ANXA11: variants seen among roughly 807,000 people sequenced by gnomAD.
ANXA11 encodes 56 kDa autoantigen.
Under a neutral mutation model 64.7 loss-of-function variants are expected in ANXA11, and 57 were observed. The observed-to-expected ratio is 0.88, with a 90% CI of 0.71 to 1.10. The LOEUF (loss-of-function observed/expected upper bound fraction) is 1.10, where lower values mean the gene tolerates loss of function less well. Ranked by LOEUF, ANXA11 falls within the 50% of genes least tolerant of loss-of-function variation. The pLI, the probability that ANXA11 is intolerant of heterozygous loss-of-function variation, is 0.00. For missense variants in ANXA11, 675 were observed against 670.7 expected (o/e 1.01, Z -0.07); for synonymous variants, 260 against 265.2 (o/e 0.98, Z 0.19).
intron 4 of ANXA11, among the ~76,000 whole-genome samples, chr10:80,169,703 A>G (rs762323023): frequency 4.9e-4 from 75 of 152,278 alleles, no homozygotes; most frequent in Non-Finnish European, 4.7e-4. Context: ...GGTTGGGGGC[A>G]TCCCCATCAC....
At chr10:80,194,724 G>A (rs1017295635) in intron 1 of ANXA11, among the ~76,000 whole-genome samples, 15 of 152,196 alleles carry the variant, frequency 9.9e-5, no homozygotes, top group Admixed American at 3.3e-4. Context: ...GCTCCTGAAG[G>A]TTTTGGAGCT....
At chr10:80,164,317 C>T (rs1293431470) in intron 8 of ANXA11, among the ~76,000 whole-genome samples, 174 bp from the exon 9 acceptor site, 5 of 152,174 alleles carry the variant, frequency 3.3e-5, no homozygotes, top group African/African-American at 1.2e-4. Flanking sequence ...TTCTCCACAG[C>T]CCGGGCAAGC....
chr10:80,180,089 G>GT (rs754096178), intron 1 of ANXA11, among the ~76,000 whole-genome samples: 1 of 152,324 alleles, frequency 6.6e-6, no homozygotes, highest in Non-Finnish European at 1.5e-5. Flanking sequence ...TTACGTGTAC[G>GT]TAAGTGTACC....
Position 80,166,200 on chromosome 10 carries a change from G to A in ANXA11, c.745-3C>T, listed in dbSNP as rs779858974. On this transcript the variant is annotated splice_region_variant and splice_polypyrimidine_tract_variant and intron_variant, in intron 7 of 15. Transcript: ENST00000422982. ...GATTTCAGATCTTTGATCAAATCCTGATTGGATATTCAAACAAACAACCAA... is the reference window on the plus strand; with the variant it reads ...GATTTCAGATCTTTGATCAAATCCTAATTGGATATTCAAACAAACAACCAA... 1 of 1,525,892 alleles carries A rather than the reference G, an allele frequency of 6.6e-7. No homozygotes were observed. The highest frequency in any genetic ancestry group is 9.0e-7 in the Non-Finnish European group (1 of 1,109,880). The allele number at this position is 1,525,892 out of a possible 1,614,324, so 94.5% of individuals were successfully genotyped here. A position where few individuals can be genotyped will look rare whatever the true frequency, so the allele number is the denominator to read the frequency against.
chr10:80,161,460 C>T (rs1186538671), intron 12 of ANXA11, among the ~76,000 whole-genome samples: 1 of 152,198 alleles, frequency 6.6e-6, no homozygotes, highest in Non-Finnish European at 1.5e-5. Flanking sequence ...GTCTGTCTCC[C>T]CAAATGAGAA....
intron 14 of ANXA11, 70 bp from the exon 15 acceptor site, chr10:80,157,833 G>A (rs1845337381): frequency 6.3e-7 from 1 of 1,590,690 alleles, no homozygotes; most frequent in East Asian, 2.2e-5. Flanking sequence ...GGGCCCTCCA[G>A]TCCCCTCCCT....
rs767049795 is a variant in ANXA11, at chr10:80,163,354, C to T, written c.1081G>A (p.Ala361Thr). 52 of 1,613,162 alleles carry T rather than the reference C, an allele frequency of 3.2e-5. 2 individuals carry two copies. The South Asian group carries it at 4.7e-4, about 15-fold the overall frequency. Reference sequence around the variant, plus strand: ...GGCTTGGCCATCACACTCACCTGGGCATCTCTCTGGGCGAGTGACATGTCC... The same window carrying T: ...GGCTTGGCCATCACACTCACCTGGGTATCTCTCTGGGCGAGTGACATGTCC... ...NVDMSLAQRD[A>T]QELYAAGENR... Residue 361 changes from alanine (A) to threonine (T), a missense_variant, in exon 11 of 16, where the codon GCC becomes ACC. By Grantham distance (58) the Ala-to-Thr change is moderately conservative (BLOSUM62 0). Coordinates refer to ENST00000422982, the MANE Select transcript of ANXA11 (RefSeq NM_145868.2).
At chr10:80,168,423 C>T (rs552810102) in intron 5 of ANXA11, among the ~76,000 whole-genome samples, 37 of 152,282 alleles carry the variant, frequency 2.4e-4, no homozygotes, top group Admixed American at 1.4e-3. Flanking sequence ...GGATGTGGAG[C>T]GTCTCATCAC....
At chr10:80,162,631 T>C (rs1205760593) in intron 11 of ANXA11, among the ~76,000 whole-genome samples, 2 of 152,196 alleles carry the variant, frequency 1.3e-5, no homozygotes, top group Admixed American at 1.3e-4. Flanking sequence ...GGAGTAGCTC[T>C]CCTCCAGCCC....
At chr10:80,169,418 C>G (rs375201035) in intron 4 of ANXA11, 60 bp from the exon 5 acceptor site, 1 of 1,581,826 alleles carries the variant, frequency 6.3e-7, no homozygotes, top group African/African-American at 1.3e-5. Context: ...CGTCCCTCCA[C>G]CCTTTTTCAT....
In ANXA11 at chr10:80,172,876, G is replaced by A. The variant is rs754949543; in HGVS notation, c.-8-7C>T. 2.3e-5 allele frequency: 37 copies of A among 1,613,644 alleles called. No homozygotes were observed. The highest frequency in any genetic ancestry group is 3.0e-5 in the Non-Finnish European group (35 of 1,179,820). Reference sequence around the variant, plus strand: ...GGGTAGCTCATGGTTAGATCTGGAAGAGAAGACGAAAGCACATTCAGGCTC... The same window carrying A: ...GGGTAGCTCATGGTTAGATCTGGAAAAGAAGACGAAAGCACATTCAGGCTC... On this transcript the variant is annotated splice_region_variant and splice_polypyrimidine_tract_variant and intron_variant, in intron 2 of 15. Coordinates refer to ENST00000422982, the MANE Select transcript of ANXA11 (RefSeq NM_145868.2).
intron 1 of ANXA11, among the ~76,000 whole-genome samples, chr10:80,185,419 T>G (rs183968406): frequency 2.6e-5 from 4 of 152,350 alleles, no homozygotes; most frequent in East Asian, 3.9e-4. Flanking sequence ...AGCAAGAGAT[T>G]AGTTGCCCGA....
rs1170300267 is a variant in ANXA11, at chr10:80,161,938, C to T, written c.1177G>A (p.Ala393Thr). 1.4e-5 allele frequency: 23 copies of T among 1,611,408 alleles called. No homozygotes were observed. Among genetic ancestry groups the T allele is most frequent in the Non-Finnish European group, 2.0e-5 (23 of 1,179,180 alleles). ...LCSRSRAHLV[A>T]VFNEYQRMTG... ...GAGGGACCCCAGCCTGCCTTACCTG[C>T]TACCAGGTGGGCCCGGCTCCGGGAG... The change falls in exon 12 of 16, where the codon GCA (alanine) becomes ACA (threonine). Residue 393 changes from alanine to threonine, a missense_variant. By Grantham distance (58) the Ala-to-Thr change is moderately conservative (BLOSUM62 0). Transcript: ENST00000422982.
At chr10:80,163,066 G>A (rs1244415409) in intron 11 of ANXA11, among the ~76,000 whole-genome samples, 6 of 152,112 alleles carry the variant, frequency 3.9e-5, no homozygotes, top group Admixed American at 1.3e-4. Flanking sequence ...GGGAAAGTAC[G>A]CTGTCACACA....
chr10:80,164,197 G>T, intron 8 of ANXA11, 54 bp from the exon 9 acceptor site: 1 of 1,474,892 alleles, frequency 6.8e-7, no homozygotes, highest in Non-Finnish European at 9.5e-7. Flanking sequence ...AGCCTCACCA[G>T]CACTCGGGAA....
At chr10:80,188,530 G>C (rs1273148229) in intron 1 of ANXA11, among the ~76,000 whole-genome samples, 1 of 120,920 alleles carries the variant, frequency 8.3e-6, no homozygotes, top group Non-Finnish European at 1.8e-5. Context: ...ACAGGTATTA[G>C]CACACAGCAG....
At chr10:80,200,268 G>A (rs1411870324) in intron 1 of ANXA11, among the ~76,000 whole-genome samples, 1 of 152,202 alleles carries the variant, frequency 6.6e-6, no homozygotes, top group Admixed American at 6.5e-5. Context: ...GGCATGGCTT[G>A]AATGTCCTCT....
chr10:80,190,752 T>C (rs1446888569), intron 1 of ANXA11, among the ~76,000 whole-genome samples: 4 of 145,686 alleles, frequency 2.7e-5, no homozygotes, highest in African/African-American at 7.4e-5. Context: ...CCCAAAGTGC[T>C]GGGGTTACAG....
intron 4 of ANXA11, among the ~76,000 whole-genome samples, chr10:80,169,717 A>C (rs1247756438): frequency 6.6e-6 from 1 of 152,170 alleles, no homozygotes; most frequent in Non-Finnish European, 1.5e-5. Context: ...CCATCACATC[A>C]GCCTGCTACC....
Sources: allele counts gnomAD v4.1 joint callset (sites outside exome capture counted in the v4.1 genomes callset), GRCh38; gene constraint gnomAD v4.1.1; transcripts MANE v1.5; gene names NCBI Gene and HGNC (gene_info 2026-07-23, HGNC 2026-07-21).